The following COL6A3 variants were observed in gnomAD, a reference collection of about 807,000 sequenced individuals.
COL6A3 encodes the protein collagen alpha-3(VI) chain.
A neutral mutation model predicts 274.1 loss-of-function variants in COL6A3; 137 were observed. The ratio of observed to expected loss-of-function variants is 0.50; its 90% CI spans 0.44 to 0.58. COL6A3 has a LOEUF of 0.58. Among genes scored for constraint, COL6A3 ranks in the 20% least tolerant of loss-of-function variants. COL6A3 has a pLI of 0.00. For synonymous variants in COL6A3, 1,650 were observed against 1,650.6 expected, an observed-to-expected ratio of 1.00 and a Z score of 0.01; for missense variants, 3,950 against 4,124.9, an observed-to-expected ratio of 0.96 and a Z score of 1.16.
chr2:237,401,716 C>A (rs4663256), intron 1 of COL6A3, among the ~76,000 whole-genome samples: 10,368 of 151,788 alleles, frequency 0.068, 909 homozygotes, highest in African/African-American at 0.2. Context: ...ACAGGGTCTC[C>A]CTCTGTCACC....
intron 41 of COL6A3, 53 bp from the exon 42 acceptor site, chr2:237,333,601 T>G (rs1700378252): frequency 6.7e-7 from 1 of 1,491,670 alleles, no homozygotes; most frequent in Non-Finnish European, 9.3e-7. Flanking sequence ...CAGGAGGGCT[T>G]GGGAATCCTT....
chr2:237,342,050 A>G lies in COL6A3; in HGVS notation c.7765+15T>C, dbSNP rs777263519. 6.2e-7 allele frequency: 1 copy of G among 1,610,044 alleles called. No individual in the cohort carries two copies. Among genetic ancestry groups the G allele is most frequent in the Admixed American group, 1.7e-5 (1 of 59,996 alleles). On this transcript the variant is annotated intron_variant, in intron 37 of 43. Transcript: ENST00000295550. ...TTGCAGCTGAGCAGATCTTCCTGTT[A>G]GAGAAACAGCTTACCCAAGCAAACA...
chr2:237,353,976 T>C (rs1430068705), intron 24 of COL6A3, among the ~76,000 whole-genome samples: 1 of 151,482 alleles, frequency 6.6e-6, no homozygotes, highest in African/African-American at 2.4e-5. Flanking sequence ...CAGAGCTGCC[T>C]CCCATTCTAT....
At chr2:237,341,543 T>TAAAAAAAAAAAAA (rs71039760) in intron 37 of COL6A3, among the ~76,000 whole-genome samples, 2 of 49,118 alleles carry the variant, frequency 4.1e-5, no homozygotes, top group African/African-American at 1.8e-4. Flanking sequence ...AGACTCTGTC[T>TAAAAAAAAAAAAA]AAAAAAAAAA....
chr2:237,348,416 G>C (rs376868770), intron 29 of COL6A3, 32 bp from the exon 30 acceptor site: 20 of 1,550,852 alleles, frequency 1.3e-5, no homozygotes, highest in African/African-American at 2.7e-5. Context: ...TTTAATACTT[G>C]GTTCTAATTT....
In COL6A3 at chr2:237,334,738, C is replaced by T. The variant is rs376780810; in HGVS notation, c.9117G>A (p.Thr3039=). 2.2e-5 allele frequency: 35 copies of T among 1,613,944 alleles called. No homozygotes were observed. The African/African-American group carries it at 2.5e-4, about 12-fold the overall frequency. The change falls in exon 41 of 44, where the codon ACG becomes ACA. Residue 3039 remains threonine (T), a synonymous_variant. Coordinates refer to ENST00000295550, the MANE Select transcript of COL6A3 (RefSeq NM_004369.4). ...GGCCTCCAATGACGCGGTCCGTGAC[C>T]GTGAGGTTCTGCTTCAGAACCAGGG... ...DQSLVLKQNL[T]VTDRVIGGLL...
chr2:237,339,728 T>C (rs2076943787), intron 38 of COL6A3, among the ~76,000 whole-genome samples: 1 of 152,198 alleles, frequency 6.6e-6, no homozygotes, highest in East Asian at 1.9e-4. Flanking sequence ...GTACTGACCC[T>C]GGGCTGCACA....
At chr2:237,384,106 CTA>C (rs896716024) in intron 4 of COL6A3, among the ~76,000 whole-genome samples, 1 of 152,034 alleles carries the variant, frequency 6.6e-6, no homozygotes, top group South Asian at 2.1e-4. Flanking sequence ...AACTGAATTC[CTA>C]TGTTTGCTTC....
intron 3 of COL6A3, among the ~76,000 whole-genome samples, chr2:237,392,041 G>A (rs889400722): frequency 6.6e-6 from 1 of 152,098 alleles, no homozygotes; most frequent in Non-Finnish European, 1.5e-5. Context: ...CCAGGGGTGA[G>A]GCCTGTCATT....
In COL6A3 at chr2:237,376,711, T is replaced by A; in HGVS notation, c.3070+61A>T. On this transcript the variant is annotated intron_variant, in intron 7 of 43. Coordinates refer to ENST00000295550, the MANE Select transcript of COL6A3 (RefSeq NM_004369.4). ...ATCTAAGGACCAGTGGCCAGCAGCCTACCCTCAACTCATGCATTAGAGAAC... is the reference window on the plus strand; with the variant it reads ...ATCTAAGGACCAGTGGCCAGCAGCCAACCCTCAACTCATGCATTAGAGAAC... The A allele has an allele frequency of 1.9e-6, 3 of 1,553,050 alleles. No individual in the cohort carries two copies. In the South Asian group the frequency reaches 3.4e-5, roughly 17 times the overall value.
intron 22 of COL6A3, 112 bp downstream of exon 22, chr2:237,357,705 T>C (rs1481633196): frequency 1.2e-5 from 13 of 1,066,868 alleles, no homozygotes; most frequent in South Asian, 2.5e-5. Flanking sequence ...TTAGGCTACG[T>C]TGCAGTGTTA....
At chr2:237,385,627 CTGGGCTTCTATACTT>C (rs1559267365) in intron 4 of COL6A3, among the ~76,000 whole-genome samples, 1 of 152,182 alleles carries the variant, frequency 6.6e-6, no homozygotes, top group African/African-American at 2.4e-5. Flanking sequence ...AGGGAAATCT[CTGGGCTTCTATACTT>C]TGGGATGCAC....
chr2:237,410,167 C>G lies in COL6A3; in HGVS notation c.-31+3786G>C, dbSNP rs139670348. Among the ~76,000 whole-genome samples the G allele has an allele frequency of 7.8e-3, 1,194 of 152,254 alleles. 14 individuals are homozygous for G. Among genetic ancestry groups the G allele is most frequent in the African/African-American group, 0.026 (1,090 of 41,538 alleles). On this transcript the variant is annotated intron_variant, in intron 1 of 43. Transcript: ENST00000295550. ...TTACTACAAACCCTGAAACTCCACC[C>G]TGGGAGACTCCAGGCACCACTTCAG...
At chr2:237,357,069 G>A (rs1339872467) in intron 23 of COL6A3, 1 of 563,186 alleles carries the variant, frequency 1.8e-6, no homozygotes, top group Non-Finnish European at 3.2e-6. Context: ...GATCAAACCT[G>A]GCCCGATATT....
At chr2:237,390,421 C>G (rs2078258704) in intron 3 of COL6A3, among the ~76,000 whole-genome samples, 1 of 152,176 alleles carries the variant, frequency 6.6e-6, no homozygotes, top group African/African-American at 2.4e-5. Context: ...CTTTGTTATT[C>G]AAGAGAGCTG....
chr2:237,398,037 C>G (rs11678707), intron 1 of COL6A3, among the ~76,000 whole-genome samples: 13,773 of 152,276 alleles, frequency 0.09, 777 homozygotes, highest in Middle Eastern at 0.16. Flanking sequence ...TTTAAAAGAA[C>G]CTCAGAGGAA....
rs150679094 is a variant in COL6A3 at position 237,347,231 on chromosome 2, C to T, written c.7029+576G>A. 7.8e-3 allele frequency among the ~76,000 whole-genome samples: 1,180 copies of T among 151,726 alleles called. 14 individuals carry two copies. The highest frequency in any genetic ancestry group is 0.026 in the African/African-American group (1,068 of 41,116). ...TGGAGGTTGCAGTGAGCCAAGATGG[C>T]ACCACTGCACTCCGCCCAGATGACA... On this transcript the variant is annotated intron_variant, in intron 31 of 43. Coordinates refer to ENST00000295550, the MANE Select transcript of COL6A3 (RefSeq NM_004369.4).
In COL6A3 at chr2:237,339,151, G is replaced by A. The variant is rs113165742; in HGVS notation, c.8465-34C>T. On this transcript the variant is annotated intron_variant, in intron 38 of 43. Coordinates refer to ENST00000295550, the MANE Select transcript of COL6A3 (RefSeq NM_004369.4). ...AAAAAACAAAGAAAACAATTGAACC[G>A]CATGCTAATAACATGAAAATTAAAA... 3.2e-3 allele frequency: 4,549 copies of A among 1,420,158 alleles called. 98 individuals are homozygous for A. In the Admixed American group the frequency reaches 0.048, roughly 15 times the overall value. The allele number at this position is 1,420,158 out of a possible 1,614,324, so 88.0% of individuals were successfully genotyped here.
In COL6A3 at chr2:237,365,830, G is replaced by A; in HGVS notation, c.5706C>T (p.Asp1902=). ...NTPSGPVEAF[D]FDEYQPEMLE... is the part of the protein sequence containing the mutation. ...GCATCTCTGGCTGGTACTCGTCAAAGTCAAAGGCCTCCACCGGGCCCGAGG... is the reference window on the plus strand; with the variant it reads ...GCATCTCTGGCTGGTACTCGTCAAAATCAAAGGCCTCCACCGGGCCCGAGG... Residue 1902 remains aspartate (D), a synonymous_variant, in exon 12 of 44, where the codon GAC becomes GAT. Transcript: ENST00000295550. 1 of 1,614,198 alleles carries A rather than the reference G, an allele frequency of 6.2e-7. No homozygotes were observed. Among genetic ancestry groups the A allele is most frequent in the Non-Finnish European group, 8.5e-7 (1 of 1,180,048 alleles).
Sources: allele counts gnomAD v4.1 joint callset (sites outside exome capture counted in the v4.1 genomes callset), GRCh38; gene constraint gnomAD v4.1.1; transcripts MANE v1.5; gene names NCBI Gene and HGNC (gene_info 2026-07-23, HGNC 2026-07-21).